TANC1: variants seen among roughly 807,000 people sequenced by gnomAD.
TANC1 encodes protein TANC1.
TANC1 carries 77 observed loss-of-function variants against 149.7 expected under a neutral mutation model. The observed-to-expected ratio is 0.51, with a 90% CI of 0.43 to 0.62. The LOEUF is 0.62. Ranked by LOEUF, TANC1 falls within the 20% of genes least tolerant of loss-of-function variation. The pLI, the probability that TANC1 is intolerant of heterozygous loss-of-function variation, is 0.00. For synonymous variants in TANC1, 854 were observed against 925.0 expected (o/e 0.92, Z 1.39); for missense variants, 1,985 against 2,321.8 (o/e 0.85, Z 2.98).
rs147154769 is a variant in TANC1 at position 159,164,674 on chromosome 2, C to T, written c.946+1128C>T. ...TACTACTGCAGGGACCCAGATTCTC[C>T]GCTCCTACGTCAGAGAATTTCTCTG... On this transcript the variant is annotated intron_variant, in intron 8 of 26. Transcript: ENST00000263635. Among the ~76,000 whole-genome samples, 22 of 152,292 alleles carry T rather than the reference C, an allele frequency of 1.4e-4. 1 individual carries two copies. In the South Asian group the frequency reaches 2.1e-3, roughly 14 times the overall value.
intron 2 of TANC1, among the ~76,000 whole-genome samples, chr2:159,052,084 A>C (rs1312797483): frequency 6.6e-6 from 1 of 152,204 alleles, no homozygotes; most frequent in Non-Finnish European, 1.5e-5. Flanking sequence ...TTCATTAGGA[A>C]GCCTGATCCA....
intron 16 of TANC1, among the ~76,000 whole-genome samples, chr2:159,193,000 A>ATT (rs1247104425): frequency 6.6e-6 from 1 of 152,228 alleles, no homozygotes. Flanking sequence ...ATAAAAGGAA[A>ATT]TTTACCATCT....
intron 3 of TANC1, among the ~76,000 whole-genome samples, chr2:159,081,632 T>G (rs2044281927): frequency 6.6e-6 from 1 of 152,128 alleles, no homozygotes; most frequent in African/African-American, 2.4e-5. Context: ...AGAAAACAGT[T>G]TGGATTTTGT....
In TANC1 at chr2:159,065,923, G is replaced by A; in HGVS notation, c.13G>A (p.Val5Met). The A allele has an allele frequency of 6.2e-7, 1 of 1,613,860 alleles. No individual in the cohort carries two copies. The highest frequency in any genetic ancestry group is 8.5e-7 in the Non-Finnish European group (1 of 1,179,772). ...ACAAGTGTTGAAAATGTTAAAGGCT[G>A]TGCTGAAGAAGAGCCGAGAGGGAGG... MLKAVLKKSREGGKG... is the reference protein window; with the variant it reads MLKAMLKKSREGGKG... The change falls in exon 3 of 27, where the codon GTG becomes ATG. Residue 5 changes from valine (V) to methionine (M), a missense_variant. Val to Met is a conservative substitution (Grantham distance 21). Around this residue, in one of 3 missense-constraint regions of TANC1, gnomAD observed 557 missense variants for 612.9 expected, o/e 0.91. Transcript: ENST00000263635.
At chr2:159,004,270 T>A in intron 2 of TANC1, 1 of 1,612,166 alleles carries the variant, frequency 6.2e-7, no homozygotes, top group East Asian at 2.2e-5. Context: ...GATGATGATG[T>A]TCCAGATCTT....
chr2:159,171,856 T>TAA (rs1167819599), intron 10 of TANC1, among the ~76,000 whole-genome samples: 12 of 16,886 alleles, frequency 7.1e-4, no homozygotes, highest in Admixed American at 1.5e-3. Flanking sequence ...GACTCCGCCT[T>TAA]AAAAAAAAAA....
intron 19 of TANC1, among the ~76,000 whole-genome samples, chr2:159,212,903 G>A (rs921395229): frequency 7.2e-6 from 1 of 139,400 alleles, no homozygotes; most frequent in Non-Finnish European, 1.5e-5. Flanking sequence ...CTGGGTGACA[G>A]GGCGAGACAC....
intron 18 of TANC1, among the ~76,000 whole-genome samples, chr2:159,197,622 CACACACAG>C (rs928534099): frequency 9.7e-5 from 14 of 143,850 alleles, no homozygotes; most frequent in South Asian, 6.3e-4. Context: ...CACACACACA[CACACACAG>C]AGAGATACTG....
chr2:159,097,342 CT>C (rs1446602981), intron 3 of TANC1, among the ~76,000 whole-genome samples: 1 of 152,174 alleles, frequency 6.6e-6, no homozygotes, highest in Non-Finnish European at 1.5e-5. Flanking sequence ...ATCATTCATA[CT>C]TGACCTTGAT....
intron 1 of TANC1, among the ~76,000 whole-genome samples, chr2:158,985,410 T>G (rs769050598): frequency 2.6e-5 from 4 of 152,142 alleles, no homozygotes; most frequent in Non-Finnish European, 5.9e-5. Flanking sequence ...AATTGTTGTT[T>G]TTTAGGGGTC....
At chr2:159,119,157 C>A (rs1377841772) in intron 4 of TANC1, among the ~76,000 whole-genome samples, 1 of 152,100 alleles carries the variant, frequency 6.6e-6, no homozygotes, top group African/African-American at 2.4e-5. Context: ...TTCTTCTTTG[C>A]CCCCAAATGT....
Position 158,980,968 on chromosome 2 carries a change from A to G in TANC1, c.-126+12186A>G, listed in dbSNP as rs1053089973. 2.6e-4 allele frequency among the ~76,000 whole-genome samples: 39 copies of G among 152,080 alleles called. 1 individual carries two copies. The highest frequency in any genetic ancestry group is 8.9e-4 in the African/African-American group (37 of 41,494). Reference sequence around the variant, plus strand: ...ATTCCTGACTTTTCTGGGTTGTCCCATATTCTGAATTTGTTTCCTGTGGCG... The same window carrying G: ...ATTCCTGACTTTTCTGGGTTGTCCCGTATTCTGAATTTGTTTCCTGTGGCG... On this transcript the variant is annotated intron_variant, in intron 1 of 26. Transcript: ENST00000263635.
intron 1 of TANC1, among the ~76,000 whole-genome samples, chr2:158,988,096 G>A (rs60991340): frequency 6.6e-6 from 1 of 151,984 alleles, no homozygotes; most frequent in African/African-American, 2.4e-5. Flanking sequence ...GCTGTGGTGG[G>A]CAGATCACCT....
intron 4 of TANC1, among the ~76,000 whole-genome samples, chr2:159,102,712 CTTTTTTTTTTTTTT>C (rs755803794): frequency 3.7e-5 from 1 of 27,112 alleles, no homozygotes. Context: ...TGGATATTTG[CTTTTTTTTTTTTTT>C]TTTTTTTTTT....
chr2:159,098,300 G>A (rs565912638), intron 4 of TANC1, among the ~76,000 whole-genome samples: 11 of 152,256 alleles, frequency 7.2e-5, no homozygotes, highest in Admixed American at 2.6e-4. Context: ...GTATAGTAAC[G>A]TGCTGTACAG....
At chr2:159,178,511 G>GA in intron 13 of TANC1, 45 bp from the exon 14 acceptor site, 1 of 1,508,564 alleles carries the variant, frequency 6.6e-7, no homozygotes, top group Non-Finnish European at 8.9e-7. Context: ...AATAAAAAAG[G>GA]AATCTCTTTA....
intron 15 of TANC1, 104 bp from the exon 16 acceptor site, chr2:159,186,798 C>A: frequency 6.8e-7 from 1 of 1,471,260 alleles, no homozygotes; most frequent in Non-Finnish European, 9.4e-7. Context: ...GTATCTGCAC[C>A]CTCTGCGGCA....
intron 4 of TANC1, among the ~76,000 whole-genome samples, chr2:159,120,948 C>A (rs1574804043): frequency 6.6e-6 from 1 of 151,976 alleles, no homozygotes; most frequent in Non-Finnish European, 1.5e-5. Flanking sequence ...CTAGATAAGC[C>A]CCTCATCTCA....
chr2:159,219,670 T>C (rs2059566450), intron 21 of TANC1, 22 bp from the exon 22 acceptor site: 3 of 1,613,972 alleles, frequency 1.9e-6, no homozygotes, highest in South Asian at 1.1e-5. Flanking sequence ...GTTCATGTTC[T>C]GTGAATGGGC....
Sources: gnomAD v4.1 joint callset for allele counts (sites outside exome capture counted in the v4.1 genomes callset) on GRCh38, gnomAD v4.1.1 for gene constraint, gnomAD v4.1.1 regional missense constraint, MANE v1.5 for transcripts, NCBI Gene and HGNC (gene_info 2026-07-23, HGNC 2026-07-21) for gene names.